The following SHANK2 variants were observed in gnomAD, a reference collection of about 807,000 sequenced individuals.
SHANK2 encodes the protein SH3 and multiple ankyrin repeat domains 2.
A neutral mutation model predicts 133.7 loss-of-function variants in SHANK2; 43 were observed. The ratio of observed to expected loss-of-function variants is 0.32; its 90% CI spans 0.25 to 0.41. The LOEUF (loss-of-function observed/expected upper bound fraction) is 0.41, where lower values mean the gene tolerates loss of function less well. SHANK2 is among the 10% of genes least tolerant of loss of function. The pLI, the probability that SHANK2 is intolerant of heterozygous loss-of-function variation, is 1.00. For synonymous variants in SHANK2, 1,017 were observed against 952.8 expected, an observed-to-expected ratio of 1.07 and a Z score of -1.24; for missense variants, 1,994 against 2,235.8, an observed-to-expected ratio of 0.89 and a Z score of 2.18.
chr11:70,939,068 A>T (rs1950609612), intron 10 of SHANK2, among the ~76,000 whole-genome samples: 1 of 152,010 alleles, frequency 6.6e-6, no homozygotes, highest in Admixed American at 6.6e-5. Flanking sequence ...TTCCAAAGGG[A>T]GATGACAGAC....
rs1245870614 is a variant in SHANK2, at chr11:70,487,525, G to A, written c.2768C>T (p.Ala923Val). 5.6e-6 allele frequency: 9 copies of A among 1,613,782 alleles called. No homozygotes were observed. The highest frequency in any genetic ancestry group is 1.7e-5 in the Admixed American group (1 of 59,960). ...TPRVYGTIKP[A>V]FNQNSAAKVS... ...CTTGGCGGCAGAATTCTGATTGAAC[G>A]CAGGCTTAATCGTCCCGTAGACTCT... Residue 923 changes from alanine (A) to valine (V), a missense_variant, in exon 25 of 26, where the codon GCG (alanine) becomes GTG (valine). By Grantham distance (64) the Ala-to-Val change is moderately conservative. Around this residue, in one of 5 missense-constraint regions of SHANK2, gnomAD observed 488 missense variants for 642.6 expected, o/e 0.76. Coordinates refer to ENST00000601538, the MANE Select transcript of SHANK2 (RefSeq NM_012309.5). This position sits in a 1 kb window ranked among gnomAD's most constrained non-coding sequence, Gnocchi z 5.8.
At chr11:70,669,526 A>G (rs1944754812) in intron 15 of SHANK2, 1 of 152,608 alleles carries the variant, frequency 6.6e-6, no homozygotes. Context: ...GGATGTGCGG[A>G]AGGGGCCTCC....
intron 11 of SHANK2, among the ~76,000 whole-genome samples, chr11:70,884,959 G>A (rs1949715102): frequency 6.6e-6 from 1 of 152,274 alleles, no homozygotes; most frequent in Non-Finnish European, 1.5e-5. Context: ...GACCTCAGGC[G>A]ATCCACCCAC....
intron 10 of SHANK2, chr11:70,907,739 C>T (rs782270063): frequency 3.4e-6 from 1 of 292,426 alleles, no homozygotes; most frequent in Non-Finnish European, 7.0e-6. Context: ...TTGACAGTTG[C>T]AGGATCGGAT....
intron 14 of SHANK2, among the ~76,000 whole-genome samples, chr11:70,729,875 GAAT>G (rs1398928513): frequency 4.2e-5 from 6 of 142,302 alleles, no homozygotes; most frequent in Non-Finnish European, 9.1e-5. Flanking sequence ...TGGCGTTTGA[GAAT>G]GATATCTCAA....
At chr11:71,176,091 A>G (rs1319837594) in intron 2 of SHANK2, among the ~76,000 whole-genome samples, 1 of 152,218 alleles carries the variant, frequency 6.6e-6, no homozygotes, top group Non-Finnish European at 1.5e-5. Context: ...GTCTGTTCCC[A>G]TCTCACCATT....
At chr11:70,650,068 T>C (rs2061321702) in intron 17 of SHANK2, among the ~76,000 whole-genome samples, 1 of 152,188 alleles carries the variant, frequency 6.6e-6, no homozygotes, top group Admixed American at 6.5e-5. Context: ...GTATGATTCC[T>C]ATGGTCATGG....
At chr11:70,903,174 C>T (rs1474824235) in intron 10 of SHANK2, among the ~76,000 whole-genome samples, 7 of 151,926 alleles carry the variant, frequency 4.6e-5, no homozygotes, top group Admixed American at 3.9e-4. Flanking sequence ...GTCAGGAGTT[C>T]GAGACTAGCC....
At chr11:70,888,146 G>A (rs907463099) in intron 11 of SHANK2, among the ~76,000 whole-genome samples, 6 of 151,986 alleles carry the variant, frequency 3.9e-5, no homozygotes, top group Non-Finnish European at 8.8e-5. Flanking sequence ...AAGAGGCCAG[G>A]AACGGACAAA....
intron 17 of SHANK2, among the ~76,000 whole-genome samples, chr11:70,580,868 C>T (rs1211416627): frequency 3.9e-5 from 6 of 152,202 alleles, no homozygotes; most frequent in Admixed American, 2.6e-4. Flanking sequence ...GGGCTCACCT[C>T]CTGTTCCCTC....
At chr11:70,545,895 G>C (rs1287965899) in intron 17 of SHANK2, among the ~76,000 whole-genome samples, 1 of 152,136 alleles carries the variant, frequency 6.6e-6, no homozygotes, top group African/African-American at 2.4e-5. Context: ...GCTCAGGTCT[G>C]ATATTTGCTA....
chr11:70,497,154 G>A (rs1555157320), intron 21 of SHANK2: 3 of 408,988 alleles, frequency 7.3e-6, no homozygotes, highest in Middle Eastern at 3.6e-4. Flanking sequence ...CCCCACAGGG[G>A]TGTGGGTCCC....
chr11:70,928,143 G>C (rs782376466), intron 10 of SHANK2, among the ~76,000 whole-genome samples: 1 of 152,024 alleles, frequency 6.6e-6, no homozygotes, highest in Non-Finnish European at 1.5e-5. Flanking sequence ...GCTAATACAA[G>C]GCCTGTCGAC....
intron 3 of SHANK2, among the ~76,000 whole-genome samples, chr11:71,141,776 T>C (rs72957686): frequency 0.21 from 31,328 of 151,948 alleles, 3,493 homozygotes; most frequent in South Asian, 0.31. Context: ...GGCAAACAGA[T>C]GGCCAAATCT....
intron 14 of SHANK2, among the ~76,000 whole-genome samples, chr11:70,715,467 G>T (rs1161913752): frequency 6.6e-6 from 1 of 152,190 alleles, no homozygotes; most frequent in East Asian, 1.9e-4. Context: ...CCAGGCTGGG[G>T]ACACCGTAGG....
At chr11:70,911,133 T>G (rs1296975495) in intron 10 of SHANK2, 1 of 456,658 alleles carries the variant, frequency 2.2e-6, no homozygotes, top group Non-Finnish European at 4.4e-6. Context: ...CCTAATTTTT[T>G]GTACTGTTTT....
chr11:70,951,598 A>ACGT (rs1950845132), intron 10 of SHANK2, among the ~76,000 whole-genome samples: 2 of 45,604 alleles, frequency 4.4e-5, no homozygotes, highest in Non-Finnish European at 1.1e-4. Flanking sequence ...CTGTGCTGTG[A>ACGT]CATCATAAAT....
At chr11:71,142,694 T>C (rs1439702787) in intron 3 of SHANK2, among the ~76,000 whole-genome samples, 1 of 150,888 alleles carries the variant, frequency 6.6e-6, no homozygotes, top group Admixed American at 6.6e-5. Flanking sequence ...ATTCTTAAAA[T>C]GAAAATGTCC....
chr11:71,212,595 C>T (rs2135695645), intron 2 of SHANK2, among the ~76,000 whole-genome samples: 1 of 152,166 alleles, frequency 6.6e-6, no homozygotes, highest in East Asian at 1.9e-4. Flanking sequence ...GCTGTCATTG[C>T]TCTAAGATGA....
Sources: gnomAD v4.1 joint callset for allele counts (sites outside exome capture counted in the v4.1 genomes callset) on GRCh38, gnomAD v4.1.1 for gene constraint, gnomAD v4.1.1 regional missense constraint, Gnocchi (gnomAD v3.1) non-coding constraint, MANE v1.5 for transcripts, NCBI Gene and HGNC (gene_info 2026-07-23, HGNC 2026-07-21) for gene names.